The following FARS2 variants were observed in gnomAD, a reference collection of about 807,000 sequenced individuals.
The protein encoded by FARS2 is phenylalanine--tRNA ligase, mitochondrial.
In FARS2, 40 loss-of-function variants were observed where a neutral mutation model predicts 46.4. That is an observed-to-expected ratio of 0.86 (90% CI 0.67 to 1.12). The LOEUF (loss-of-function observed/expected upper bound fraction) is 1.12, where lower values mean the gene tolerates loss of function less well. FARS2 is among the 50% of genes most tolerant of loss of function. The probability of loss-of-function intolerance (pLI) is 0.00; values close to 1 mark genes in which losing one functional copy is unlikely to be tolerated. For missense variants in FARS2, 513 were observed against 567.9 expected (o/e 0.90, Z 0.98); for synonymous variants, 234 against 214.9 (o/e 1.09, Z -0.78).
At chr6:5,477,508 T>C (rs1277252350) in intron 4 of FARS2, among the ~76,000 whole-genome samples, 3 of 152,202 alleles carry the variant, frequency 2.0e-5, no homozygotes, top group Admixed American at 1.3e-4. Context: ...TTGTCTTGTC[T>C]CACTGCGGCA....
intron 1 of FARS2, among the ~76,000 whole-genome samples, chr6:5,349,305 C>T (rs972160960): frequency 6.6e-6 from 1 of 152,114 alleles, no homozygotes; most frequent in African/African-American, 2.4e-5. Flanking sequence ...TTGAAGATTA[C>T]AAAAACCTGA....
rs139935069 is a variant in FARS2, at chr6:5,770,873, G to A, written c.1218-418G>A. Among the ~76,000 whole-genome samples the A allele has an allele frequency of 8.5e-5, 13 of 152,266 alleles. No individual in the cohort carries two copies. The East Asian group carries it at 2.3e-3, about 27-fold the overall frequency. On this transcript the variant is annotated intron_variant, in intron 6 of 6. Transcript: ENST00000274680. ...ATACTTCAGTTTGCCTCACAAACAC[G>A]GTTACCTTCCATGACATGAAGGAGG...
intron 1 of FARS2, among the ~76,000 whole-genome samples, chr6:5,348,698 A>G: frequency 6.6e-6 from 1 of 150,412 alleles, no homozygotes; most frequent in Admixed American, 6.7e-5. Context: ...ACAAATAAAT[A>G]TAATCTACCA....
At chr6:5,548,373 T>A (rs1024134349) in intron 5 of FARS2, among the ~76,000 whole-genome samples, 1 of 152,254 alleles carries the variant, frequency 6.6e-6, no homozygotes, top group East Asian at 1.9e-4. Flanking sequence ...ATCTTGAACC[T>A]TTCTATGTAT....
At chr6:5,741,287 A>G (rs1761319919) in intron 6 of FARS2, among the ~76,000 whole-genome samples, 1 of 152,248 alleles carries the variant, frequency 6.6e-6, no homozygotes, top group African/African-American at 2.4e-5. Flanking sequence ...GAGTTACCCT[A>G]TGCTGACTGC....
intron 1 of FARS2, among the ~76,000 whole-genome samples, chr6:5,331,103 T>TAA (rs11362298): frequency 1.1e-4 from 14 of 132,944 alleles, no homozygotes; most frequent in South Asian, 2.4e-4. Flanking sequence ...AAACTCCGTT[T>TAA]AAAAAAAAAA....
At position 5,369,163 on chromosome 6, in the gene FARS2, G is replaced by C; in HGVS notation, c.593G>C (p.Arg198Pro). Residue 198 changes from arginine (R) to proline (P), a missense_variant, in exon 2 of 7, where the codon CGG (arginine) becomes CCG (proline). Transcript: ENST00000274680. ...YPIFHQLEAVRLFSKHELFAG... is the reference protein window; with the variant it reads ...YPIFHQLEAVPLFSKHELFAG... ...ATTTTCCACCAGCTGGAGGCCGTGC[G>C]GCTCTTCTCCAAGCATGAGGTGAGT... The C allele has an allele frequency of 6.2e-7, 1 of 1,607,954 alleles. No individual in the cohort carries two copies. The highest frequency in any genetic ancestry group is 2.2e-5 in the East Asian group (1 of 44,854).
intron 5 of FARS2, among the ~76,000 whole-genome samples, chr6:5,545,705 T>C (rs1770937459): frequency 6.6e-6 from 1 of 152,170 alleles, no homozygotes; most frequent in Non-Finnish European, 1.5e-5. Context: ...TGAGAACATG[T>C]GGTGTCTGGT....
At chr6:5,592,399 CAG>C (rs1773967861) in intron 5 of FARS2, among the ~76,000 whole-genome samples, 2 of 149,880 alleles carry the variant, frequency 1.3e-5, no homozygotes, top group Non-Finnish European at 3.0e-5. Context: ...AAAAAAAAAA[CAG>C]AAAAGAAAAA....
intron 6 of FARS2, among the ~76,000 whole-genome samples, chr6:5,730,247 CTG>C (rs1356621608): frequency 3.3e-5 from 5 of 152,198 alleles, no homozygotes; most frequent in African/African-American, 1.2e-4. Flanking sequence ...CATACTCAAA[CTG>C]TGAGCCTTTC....
At chr6:5,613,478 T>C (rs906516710) in intron 6 of FARS2, among the ~76,000 whole-genome samples, 158 bp downstream of exon 6, 1 of 152,222 alleles carries the variant, frequency 6.6e-6, no homozygotes, top group African/African-American at 2.4e-5. Context: ...CTCTTTGATA[T>C]CAGTCGTCTC....
At chr6:5,564,810 G>C (rs1772232029) in intron 5 of FARS2, among the ~76,000 whole-genome samples, 2 of 152,332 alleles carry the variant, frequency 1.3e-5, no homozygotes, top group South Asian at 4.1e-4. Context: ...GAGGTCCCAA[G>C]ATAAACTTGG....
intron 4 of FARS2, among the ~76,000 whole-genome samples, chr6:5,533,922 A>C (rs1041257584): frequency 6.6e-6 from 1 of 152,236 alleles, no homozygotes; most frequent in Non-Finnish European, 1.5e-5. Flanking sequence ...ACGCTGTGAA[A>C]TGTTAAGCAA....
upstream of FARS2, among the ~76,000 whole-genome samples, chr6:5,256,216 G>A (rs190140426): frequency 3.8e-3 from 571 of 152,048 alleles, 2 homozygotes; most frequent in African/African-American, 0.013. Context: ...TTGGCCAGGC[G>A]CGGTGGCTCA....
chr6:5,610,904 C>T (rs988990726), intron 5 of FARS2, among the ~76,000 whole-genome samples: 11 of 152,210 alleles, frequency 7.2e-5, no homozygotes, highest in African/African-American at 1.2e-4. Flanking sequence ...GTCCCACCGA[C>T]GTGGTATGTC....
intron 5 of FARS2, among the ~76,000 whole-genome samples, chr6:5,549,060 T>C (rs565186295): frequency 4.3e-4 from 66 of 152,314 alleles, no homozygotes; most frequent in African/African-American, 1.6e-3. Flanking sequence ...GTATTTATTA[T>C]TTTACAGTTC....
At chr6:5,464,363 A>G (rs1187750094) in intron 4 of FARS2, among the ~76,000 whole-genome samples, 2 of 152,174 alleles carry the variant, frequency 1.3e-5, no homozygotes, top group East Asian at 1.9e-4. Flanking sequence ...CCCTCAGGCC[A>G]GTGTCCTCCA....
At chr6:5,353,998 T>C (rs544531791) in intron 1 of FARS2, among the ~76,000 whole-genome samples, 1 of 103,836 alleles carries the variant, frequency 9.6e-6, no homozygotes, top group South Asian at 3.9e-4. Flanking sequence ...TATATTCTGG[T>C]CTAAGTGATA....
intron 4 of FARS2, among the ~76,000 whole-genome samples, chr6:5,448,759 T>G (rs1006700241): frequency 6.6e-6 from 1 of 152,240 alleles, no homozygotes; most frequent in Non-Finnish European, 1.5e-5. Context: ...ATAATTCTTA[T>G]AGACATCATG....
Sources: gnomAD v4.1 joint callset for allele counts (sites outside exome capture counted in the v4.1 genomes callset) on GRCh38, gnomAD v4.1.1 for gene constraint, MANE v1.5 for transcripts, NCBI Gene and HGNC (gene_info 2026-07-23, HGNC 2026-07-21) for gene names.